SAMMSON: variants seen among roughly 807,000 people sequenced by gnomAD.
SAMMSON encodes the protein survival associated mitochondrial melanoma specific oncogenic non-coding RNA.
At chr3:70,414,292 A>G (rs1392153742) in intron 2 of SAMMSON, among the ~76,000 whole-genome samples, 1 of 152,136 alleles carries the variant, frequency 6.6e-6, no homozygotes, top group Non-Finnish European at 1.5e-5. Context: ...ATTTCTTACT[A>G]TATTCATAAA....
chr3:70,022,426 C>CAAAAAAAA (rs60455629), intron 3 of SAMMSON, among the ~76,000 whole-genome samples: 24 of 91,118 alleles, frequency 2.6e-4, no homozygotes, highest in Non-Finnish European at 3.8e-4. Flanking sequence ...AGTATAATAA[C>CAAAAAAAA]AAAAAAAAAA....
At chr3:70,209,004 G>A (rs1701316708) in intron 4 of SAMMSON, among the ~76,000 whole-genome samples, 1 of 152,054 alleles carries the variant, frequency 6.6e-6, no homozygotes, top group Admixed American at 6.6e-5. Flanking sequence ...CTACAGATGA[G>A]AGAACACTAG....
At chr3:70,037,040 G>T (rs1425238732) in intron 3 of SAMMSON, among the ~76,000 whole-genome samples, 1 of 152,010 alleles carries the variant, frequency 6.6e-6, no homozygotes, top group East Asian at 1.9e-4. Flanking sequence ...TTTAATAGAG[G>T]TTGAGATTAG....
chr3:70,194,330 A>G (rs1032276705), intron 4 of SAMMSON, among the ~76,000 whole-genome samples: 7 of 152,218 alleles, frequency 4.6e-5, no homozygotes, highest in Non-Finnish European at 7.3e-5. Context: ...GGCCTTCATC[A>G]TTGCAGAAAA....
intron 4 of SAMMSON, among the ~76,000 whole-genome samples, chr3:70,171,285 A>T (rs760886951): frequency 6.6e-6 from 1 of 151,854 alleles, no homozygotes; most frequent in Non-Finnish European, 1.5e-5. Flanking sequence ...AGACAGGCTA[A>T]CCTATGTTTT....
chr3:70,333,930 C>G (rs1442259313), intron 7 of SAMMSON, among the ~76,000 whole-genome samples: 1 of 152,178 alleles, frequency 6.6e-6, no homozygotes, highest in Non-Finnish European at 1.5e-5. Context: ...GACTTTCTCA[C>G]TTGGTTTAGT....
chr3:70,153,508 T>A (rs937792716), intron 4 of SAMMSON, among the ~76,000 whole-genome samples: 11 of 149,842 alleles, frequency 7.3e-5, no homozygotes, highest in East Asian at 3.9e-4. Flanking sequence ...GTCATAAATT[T>A]AAAAAAAAAA....
chr3:70,417,621 C>T (rs1236265803), intron 2 of SAMMSON, among the ~76,000 whole-genome samples: 3 of 152,186 alleles, frequency 2.0e-5, no homozygotes, highest in Non-Finnish European at 4.4e-5. Context: ...ATCTTTCCTC[C>T]TCTCTGTGTC....
chr3:70,019,468 A>G (rs2067001248), intron 3 of SAMMSON, among the ~76,000 whole-genome samples: 1 of 152,038 alleles, frequency 6.6e-6, no homozygotes, highest in South Asian at 2.1e-4. Flanking sequence ...TTTTGAGCCT[A>G]TGTGTGTCTC....
chr3:70,431,559 A>G (rs1327381851), intron 2 of SAMMSON, among the ~76,000 whole-genome samples: 1 of 152,120 alleles, frequency 6.6e-6, no homozygotes, highest in East Asian at 1.9e-4. Context: ...AGTAGAGTAC[A>G]TTTGAATTTA....
intron 7 of SAMMSON, among the ~76,000 whole-genome samples, chr3:70,353,643 C>A (rs76587245): frequency 6.6e-6 from 1 of 152,104 alleles, no homozygotes; most frequent in East Asian, 1.9e-4. Flanking sequence ...AATAGTAGAG[C>A]CACTCTGAAA....
At chr3:70,278,142 A>G (rs1037778143) in intron 6 of SAMMSON, among the ~76,000 whole-genome samples, 1 of 152,064 alleles carries the variant, frequency 6.6e-6, no homozygotes, top group Non-Finnish European at 1.5e-5. Context: ...TTCTTCTATT[A>G]CAATTATTTT....
At chr3:70,239,215 T>A (rs1312797818) in intron 4 of SAMMSON, among the ~76,000 whole-genome samples, 1 of 152,230 alleles carries the variant, frequency 6.6e-6, no homozygotes, top group Non-Finnish European at 1.5e-5. Context: ...TTCAACTATG[T>A]CATGAAATTT....
chr3:70,416,099 G>A (rs1438241321), intron 2 of SAMMSON, among the ~76,000 whole-genome samples: 4 of 152,134 alleles, frequency 2.6e-5, no homozygotes. Context: ...AGCTACTGTA[G>A]CTTCCATTGG....
At chr3:70,067,367 A>G (rs1431161289) in intron 3 of SAMMSON, among the ~76,000 whole-genome samples, 2 of 152,106 alleles carry the variant, frequency 1.3e-5, no homozygotes, top group East Asian at 1.9e-4. Flanking sequence ...AAGTGAAAAT[A>G]TATTAACCCA....
intron 7 of SAMMSON, among the ~76,000 whole-genome samples, chr3:70,298,432 G>A (rs2177146): frequency 0.21 from 31,578 of 151,988 alleles, 3,474 homozygotes; most frequent in South Asian, 0.28. Flanking sequence ...ATTTGTTTGT[G>A]TCTTAAATTA....
rs553382110 is a variant in SAMMSON at position 70,211,822 on chromosome 3, CCCTTTTT to C, written n.508-37271_508-37265del. Among the ~76,000 whole-genome samples, 43 of 148,684 alleles carry C rather than the reference CCCTTTTT, an allele frequency of 2.9e-4. No homozygotes were observed. The South Asian group carries it at 7.0e-3, about 24-fold the overall frequency. ...CCTTTCCTTACCCTTCCCTTCCCTTCCCTTTTTCCTTTTTCCTTTTCCTTCCTTTCTG... is the reference window on the plus strand; with the variant it reads ...CCTTTCCTTACCCTTCCCTTCCCTTCCCTTTTTCCTTTTCCTTCCTTTCTG... On this transcript the variant is annotated intron_variant and non_coding_transcript_variant, in intron 4 of 9. Coordinates refer to ENST00000642114, the Ensembl canonical transcript of SAMMSON.
chr3:70,243,371 T>A (rs1347086442), intron 4 of SAMMSON, among the ~76,000 whole-genome samples: 4 of 152,290 alleles, frequency 2.6e-5, no homozygotes, highest in African/African-American at 9.6e-5. Flanking sequence ...TCCTGGGGTC[T>A]AGGTAATGAA....
intron 9 of SAMMSON, among the ~76,000 whole-genome samples, chr3:70,379,198 G>A (rs1438080323): frequency 6.6e-6 from 1 of 151,948 alleles, no homozygotes; most frequent in African/African-American, 2.4e-5. Context: ...ATTTTTAGTA[G>A]AGAAGGTGTT....
Sources: allele counts gnomAD v4.1 joint callset (sites outside exome capture counted in the v4.1 genomes callset), GRCh38; gene constraint gnomAD v4.1.1; transcripts MANE v1.5; gene names NCBI Gene and HGNC (gene_info 2026-07-23, HGNC 2026-07-21).